Variants in FBXO33 observed in about 807,000 individuals in gnomAD.
FBXO33 encodes F-box only protein 33.
In FBXO33, 22 loss-of-function variants were observed where a neutral mutation model predicts 46.3. The observed-to-expected ratio is 0.48, with a 90% confidence interval of 0.34 to 0.68. The LOEUF is 0.68. Ranked by LOEUF, FBXO33 falls within the 30% of genes least tolerant of loss-of-function variation. The probability of loss-of-function intolerance (pLI) is 0.01; values close to 1 mark genes in which losing one functional copy is unlikely to be tolerated. For synonymous variants in FBXO33, 337 were observed against 291.3 expected, an observed-to-expected ratio of 1.16 and a Z score of -1.60; for missense variants, 692 against 708.8, an observed-to-expected ratio of 0.98 and a Z score of 0.27.
At chr14:39,410,177 G>A (rs1011115512) in intron 1 of FBXO33, among the ~76,000 whole-genome samples, 5 of 152,134 alleles carry the variant, frequency 3.3e-5, no homozygotes, top group Non-Finnish European at 7.4e-5. Flanking sequence ...GTCATACATG[G>A]CCATATATGG....
rs750206687 is a variant in FBXO33 at position 39,431,996 on chromosome 14, C to G, written c.167G>C (p.Arg56Pro). The G allele has an allele frequency of 2.1e-6, 3 of 1,431,572 alleles. No homozygotes were observed. The highest frequency in any genetic ancestry group is 2.7e-6 in the Non-Finnish European group (3 of 1,105,576). 88.7% of individuals were successfully genotyped at this position (1,431,572 alleles called of 1,614,324 possible). Reference protein sequence around the residue: ...RGRPGAGSRRRGRMALCGQAA... With the variant: ...RGRPGAGSRRPGRMALCGQAA... The stretch of plus-strand genomic sequence containing the variant: ...CTGCCCGCACAGAGCCATCCGGCCC[C>G]GCCGCCGGCTGCCGGCTCCCGGCCG... The change falls in exon 1 of 4, where the codon CGG becomes CCG. Residue 56 changes from arginine to proline, a missense_variant. Arg to Pro is a moderately radical substitution (Grantham distance 103). Around this residue, in one of 3 missense-constraint regions of FBXO33, gnomAD observed 412 missense variants for 370.8 expected, o/e 1.11. Coordinates refer to ENST00000298097, the MANE Select transcript of FBXO33 (RefSeq NM_203301.4).
chr14:39,401,891 CCATTAA>C (rs879515518), intron 2 of FBXO33, 30 bp from the exon 3 acceptor site: 4 of 1,525,858 alleles, frequency 2.6e-6, no homozygotes, highest in Non-Finnish European at 3.6e-6. Context: ...CACAGTGATC[CCATTAA>C]CATTTAGTTC....
intron 1 of FBXO33, among the ~76,000 whole-genome samples, chr14:39,408,033 C>T (rs762377123): frequency 2.0e-5 from 3 of 152,196 alleles, no homozygotes; most frequent in Non-Finnish European, 2.9e-5. Flanking sequence ...CTCAACTTCC[C>T]AGGCTCAGGC....
chr14:39,421,858 T>C (rs912110734), intron 1 of FBXO33, among the ~76,000 whole-genome samples: 10 of 151,238 alleles, frequency 6.6e-5, no homozygotes, highest in Non-Finnish European at 1.5e-4. Flanking sequence ...AGGGGAAAAA[T>C]ATTTTTAGAT....
chr14:39,428,756 G>A (rs1373341917), intron 1 of FBXO33, among the ~76,000 whole-genome samples: 2 of 152,018 alleles, frequency 1.3e-5, no homozygotes, highest in African/African-American at 4.8e-5. Context: ...CCTGACAACT[G>A]GATTAAATGC....
intron 1 of FBXO33, among the ~76,000 whole-genome samples, chr14:39,419,641 C>G (rs930797954): frequency 6.6e-6 from 1 of 152,140 alleles, no homozygotes; most frequent in Non-Finnish European, 1.5e-5. Flanking sequence ...ACTCAGTAAC[C>G]TGAGTTTATT....
chr14:39,421,740 A>C (rs905677252), intron 1 of FBXO33, among the ~76,000 whole-genome samples: 6 of 151,964 alleles, frequency 3.9e-5, no homozygotes, highest in Non-Finnish European at 1.5e-5. Flanking sequence ...ATGTTTTCAC[A>C]TAATAAACTG....
chr14:39,414,886 T>A (rs1385767631), intron 1 of FBXO33, among the ~76,000 whole-genome samples: 1 of 152,140 alleles, frequency 6.6e-6, no homozygotes, highest in African/African-American at 2.4e-5. Context: ...CTTAAACTCC[T>A]GTGCTCAAGT....
chr14:39,423,235 A>G (rs544421402), intron 1 of FBXO33, among the ~76,000 whole-genome samples: 135 of 152,366 alleles, frequency 8.9e-4, no homozygotes, highest in Non-Finnish European at 1.6e-3. Context: ...AATTAAAAGT[A>G]CAATATAATA....
chr14:39,431,495 T>C (rs1567080973), intron 1 of FBXO33, 69 bp downstream of exon 1: 1 of 1,596,084 alleles, frequency 6.3e-7, no homozygotes, highest in South Asian at 1.1e-5. Context: ...ATGCACAGAA[T>C]CTGTGTCGGG....
In FBXO33 at chr14:39,399,462, ATAATAGGACCC is replaced by A. The variant is rs1461972171; in HGVS notation, c.*43_*53del. On this transcript the variant is annotated 3_prime_UTR_variant, in exon 4 of 4. Transcript: ENST00000298097. ...TAATTCACACTACTGAAAAAAAAAC[ATAATAGGACCC>A]TACTTGCATATGTAACCACAGGAAT... 4.0e-6 allele frequency: 6 copies of A among 1,502,288 alleles called. No homozygotes were observed. The highest frequency in any genetic ancestry group is 2.3e-5 in the East Asian group (1 of 44,034). 93.1% of individuals were successfully genotyped at this position (1,502,288 alleles called of 1,614,324 possible).
rs1039691239 is a variant in FBXO33, at chr14:39,401,767, G to C, written c.805C>G (p.Leu269Val). The change falls in exon 3 of 4, where the codon CTG becomes GTG. Residue 269 changes from leucine (L) to valine (V), a missense_variant. Transcript: ENST00000298097. ...GCAACAGCATTAGAGAGAGATGACA[G>C]TGATGTTGGGGTTACTATTTCCAGC... ...FMLEIVTPTS[L>V]SSLSNAVANT... The C allele has an allele frequency of 1.2e-5, 19 of 1,614,086 alleles. No individual in the cohort carries two copies. Among genetic ancestry groups the C allele is most frequent in the Non-Finnish European group, 1.4e-5 (16 of 1,180,022 alleles).
At chr14:39,425,037 T>A (rs748016189) in intron 1 of FBXO33, among the ~76,000 whole-genome samples, 4 of 151,836 alleles carry the variant, frequency 2.6e-5, no homozygotes, top group Non-Finnish European at 4.4e-5. Context: ...GGTGAGAGAG[T>A]GAGACTCCAT....
chr14:39,414,144 A>G (rs1023691130), intron 1 of FBXO33, among the ~76,000 whole-genome samples: 2 of 152,218 alleles, frequency 1.3e-5, no homozygotes, highest in African/African-American at 4.8e-5. Context: ...CACATTCATC[A>G]ATGACCTTAA....
intron 1 of FBXO33, among the ~76,000 whole-genome samples, chr14:39,403,288 A>C (rs1268870013): frequency 6.6e-6 from 1 of 152,216 alleles, no homozygotes; most frequent in Non-Finnish European, 1.5e-5. Flanking sequence ...CAGCTTATGA[A>C]CAACAGAAGT....
chr14:39,414,441 G>A (rs368548725), intron 1 of FBXO33, among the ~76,000 whole-genome samples: 35 of 152,330 alleles, frequency 2.3e-4, no homozygotes, highest in East Asian at 1.5e-3. Context: ...TCATGTGATA[G>A]ATGGAGTACC....
intron 1 of FBXO33, among the ~76,000 whole-genome samples, chr14:39,415,311 G>A (rs1016390098): frequency 3.5e-4 from 54 of 152,142 alleles, no homozygotes; most frequent in African/African-American, 1.3e-3. Context: ...AAATGACGAC[G>A]ACAACAACAA....
At chr14:39,406,284 CAG>C (rs1239839247) in intron 1 of FBXO33, among the ~76,000 whole-genome samples, 9 of 152,190 alleles carry the variant, frequency 5.9e-5, no homozygotes, top group African/African-American at 1.9e-4. Flanking sequence ...TAATAATACT[CAG>C]AGGGGACAGT....
At chr14:39,419,124 A>G (rs1303200085) in intron 1 of FBXO33, among the ~76,000 whole-genome samples, 3 of 152,244 alleles carry the variant, frequency 2.0e-5, no homozygotes, top group African/African-American at 7.2e-5. Flanking sequence ...ACTAAAGTAC[A>G]GCAAGGTAGA....
Sources: gnomAD v4.1 joint callset for allele counts (sites outside exome capture counted in the v4.1 genomes callset) on GRCh38, gnomAD v4.1.1 for gene constraint, gnomAD v4.1.1 regional missense constraint, MANE v1.5 for transcripts, NCBI Gene and HGNC (gene_info 2026-07-23, HGNC 2026-07-21) for gene names.